Variants in AMMECR1 observed in about 807,000 individuals in gnomAD.
AMMECR1 encodes the protein nuclear protein AMMECR1.
Under a neutral mutation model 22.5 loss-of-function variants are expected in AMMECR1, and 3 were observed. That is an observed-to-expected ratio of 0.13 (90% CI 0.06 to 0.35). The LOEUF is 0.35. AMMECR1 is among the 10% of genes least tolerant of loss of function. The pLI, the probability that AMMECR1 is intolerant of heterozygous loss-of-function variation, is 1.00. For synonymous variants in AMMECR1, 130 were observed against 116.7 expected (o/e 1.11, Z -0.74); for missense variants, 235 against 278.7 (o/e 0.84, Z 1.12).
intron 2 of AMMECR1, among the ~76,000 whole-genome samples, chrX:110,325,653 A>C (rs1164258882): frequency 8.9e-6 from 1 of 111,823 alleles, no homozygotes; most frequent in Non-Finnish European, 1.9e-5. Flanking sequence ...CCCATTTCTG[A>C]TTTTAGTAAT....
intron 2 of AMMECR1, among the ~76,000 whole-genome samples, chrX:110,407,472 A>G (rs955241277): frequency 4.3e-4 from 48 of 112,551 alleles, no homozygotes; most frequent in African/African-American, 1.5e-3. Flanking sequence ...AATAATACAA[A>G]TAACAACCAT....
At chrX:110,391,740 C>T (rs1318220789) in intron 2 of AMMECR1, among the ~76,000 whole-genome samples, 1 of 112,201 alleles carries the variant, frequency 8.9e-6, no homozygotes, top group Non-Finnish European at 1.9e-5. Context: ...ATGAAAAGGA[C>T]ATACTGTCAA....
intron 1 of AMMECR1, among the ~76,000 whole-genome samples, chrX:110,278,506 T>C (rs1057086307): frequency 1.1e-4 from 12 of 111,859 alleles, no homozygotes; most frequent in Non-Finnish European, 1.9e-4. Context: ...TGCTTACTTA[T>C]AAAGCAGACT....
rs778978525 is a variant in AMMECR1, at chrX:110,432,338, G to C, written c.-293-5535C>G. On this transcript the variant is annotated intron_variant, in intron 1 of 7. Transcript: ENST00000372057. ...CTTGTACCACTACACCCCCTGCCGG[G>C]TTCTTTCTAGGCATTTAGCTGTGGC... Among the ~76,000 whole-genome samples the C allele has an allele frequency of 7.1e-5, 8 of 112,457 alleles. No individual in the cohort carries two copies. The East Asian group carries it at 1.7e-3, about 24-fold the overall frequency.
intron 2 of AMMECR1, among the ~76,000 whole-genome samples, chrX:110,398,835 T>C (rs2068545217): frequency 8.9e-6 from 1 of 112,496 alleles, no homozygotes. Context: ...CCATTTAATC[T>C]AGGGAAGGCA....
intron 1 of AMMECR1, among the ~76,000 whole-genome samples, chrX:110,307,507 A>G (rs776007816): frequency 8.9e-6 from 1 of 111,966 alleles, no homozygotes; most frequent in East Asian, 2.8e-4. Context: ...GTTATAGATA[A>G]TAACTGTGAG....
At chrX:110,427,938 A>G (rs1409850211) in intron 1 of AMMECR1, among the ~76,000 whole-genome samples, 1 of 111,362 alleles carries the variant, frequency 9.0e-6, no homozygotes. Flanking sequence ...TACAACACAT[A>G]GCTCAGAAGA....
chrX:110,217,500 A>AATACAC (rs1569375854), intron 2 of AMMECR1, among the ~76,000 whole-genome samples: 2 of 87,867 alleles, frequency 2.3e-5, no homozygotes, highest in Non-Finnish European at 4.2e-5. Context: ...CGGAATAGAA[A>AATACAC]ATACACACAC....
chrX:110,321,025 T>A (rs2068076908), upstream of AMMECR1, among the ~76,000 whole-genome samples: 1 of 112,082 alleles, frequency 8.9e-6, no homozygotes, highest in Non-Finnish European at 1.9e-5. Flanking sequence ...TTTAGGCATT[T>A]GAGGAAATGC....
In AMMECR1 at chrX:110,238,109, G is replaced by T. The variant is rs779955171; in HGVS notation, c.585-21477C>A. 3.6e-5 allele frequency among the ~76,000 whole-genome samples: 4 copies of T among 111,798 alleles called. No homozygotes were observed. In the East Asian group the frequency reaches 1.1e-3, roughly 31 times the overall value. ...TATGTTAAAAAGCAGGTCTCTGGGG[G>T]ACTTCTACTTGGTAACACTCCATTA... On this transcript the variant is annotated intron_variant, in intron 2 of 5. Transcript: ENST00000262844.
intron 2 of AMMECR1, among the ~76,000 whole-genome samples, chrX:110,228,925 T>G (rs1176164314): frequency 8.9e-6 from 1 of 112,389 alleles, no homozygotes; most frequent in African/African-American, 3.2e-5. Flanking sequence ...AATAGAGTAT[T>G]TGGTTCTCTT....
chrX:110,295,434 A>G (rs374721620), intron 1 of AMMECR1, among the ~76,000 whole-genome samples: 98 of 111,547 alleles, frequency 8.8e-4, no homozygotes, highest in East Asian at 1.7e-3. Context: ...TAGTTTTCTC[A>G]TATTAAAAAC....
At chrX:110,253,361 T>C (rs1393373887) in intron 2 of AMMECR1, among the ~76,000 whole-genome samples, 1 of 112,567 alleles carries the variant, frequency 8.9e-6, no homozygotes, top group Non-Finnish European at 1.9e-5. Context: ...GTTTGTGCCA[T>C]TTTGGCTAAT....
At chrX:110,425,729 TGAGA>T (rs1174465187) in intron 2 of AMMECR1, among the ~76,000 whole-genome samples, 1 of 112,201 alleles carries the variant, frequency 8.9e-6, no homozygotes, top group Non-Finnish European at 1.9e-5. Context: ...GGCATCAGGC[TGAGA>T]GAGGCTAAGT....
In AMMECR1 at chrX:110,317,623, G is replaced by T; in HGVS notation, c.449C>A (p.Thr150Asn). Reference sequence around the variant, plus strand: ...CTAGGGCTCGTTGGTGAATCGGGGGGTCCGGGGCTGCTGGTATCCATACAG... The same window carrying T: ...CTAGGGCTCGTTGGTGAATCGGGGGTTCCGGGGCTGCTGGTATCCATACAG... ...CHLYGYQQPRTPRFTNEPYPL... is the reference protein window; with the variant it reads ...CHLYGYQQPRNPRFTNEPYPL... Residue 150 changes from threonine (T) to asparagine (N), a missense_variant, in exon 1 of 6, where the codon ACC becomes AAC. Thr to Asn is a moderately conservative substitution (Grantham distance 65, BLOSUM62 0). Coordinates refer to ENST00000262844, the MANE Select transcript of AMMECR1 (RefSeq NM_015365.3). The T allele has an allele frequency of 8.4e-7, 1 of 1,197,566 alleles. No homozygotes were observed. Among genetic ancestry groups the T allele is most frequent in the Non-Finnish European group, 1.1e-6 (1 of 887,481 alleles).
intron 1 of AMMECR1, among the ~76,000 whole-genome samples, chrX:110,275,213 C>T (rs2067819908): frequency 8.9e-6 from 1 of 111,925 alleles, no homozygotes; most frequent in South Asian, 3.7e-4. Flanking sequence ...TTATCATCTT[C>T]CTTCAGCCTG....
chrX:110,289,309 G>C (rs1490861056), intron 1 of AMMECR1, among the ~76,000 whole-genome samples: 5 of 111,388 alleles, frequency 4.5e-5, no homozygotes, highest in African/African-American at 1.6e-4. Flanking sequence ...TTCACAGAAT[G>C]AGGGAAAAAG....
At chrX:110,255,629 A>G (rs1054388629) in intron 2 of AMMECR1, among the ~76,000 whole-genome samples, 5 of 111,817 alleles carry the variant, frequency 4.5e-5, no homozygotes, top group Non-Finnish European at 9.4e-5. Context: ...CAAGAAGTTG[A>G]GTTCTGGGCA....
At chrX:110,337,130 T>C (rs903719065) in intron 2 of AMMECR1, among the ~76,000 whole-genome samples, 1 of 111,442 alleles carries the variant, frequency 9.0e-6, no homozygotes, top group Non-Finnish European at 1.9e-5. Flanking sequence ...AATTGCTATG[T>C]GACCTTGGGC....
Sources: gnomAD v4.1 joint callset for allele counts (sites outside exome capture counted in the v4.1 genomes callset) on GRCh38, gnomAD v4.1.1 for gene constraint, MANE v1.5 for transcripts, NCBI Gene and HGNC (gene_info 2026-07-23, HGNC 2026-07-21) for gene names.